KCNB2: variants seen among roughly 807,000 people sequenced by gnomAD.
KCNB2 encodes delayed rectifier potassium channel protein.
In KCNB2, 15 loss-of-function variants were observed where a neutral mutation model predicts 61.5. The ratio of observed to expected loss-of-function variants is 0.24; its 90% CI spans 0.16 to 0.38. KCNB2 has a LOEUF of 0.38. Ranked by LOEUF, KCNB2 falls within the 10% of genes least tolerant of loss-of-function variation. The pLI is 1.00. For missense variants in KCNB2, 828 were observed against 1,125.2 expected (o/e 0.74, Z 3.78); for synonymous variants, 457 against 446.0 (o/e 1.02, Z -0.31).
intron 2 of KCNB2, among the ~76,000 whole-genome samples, chr8:72,857,852 GAA>G (rs1260458209): frequency 1.3e-5 from 2 of 152,152 alleles, no homozygotes; most frequent in African/African-American, 4.8e-5. Context: ...TTGCAATAGA[GAA>G]ACTGAAGCTC....
In KCNB2 at chr8:72,571,601, CTG is replaced by C. The variant is rs147268025; in HGVS notation, c.579+3290_579+3291del. ...CAGGTTTTTATCTGTATGATGGACTCTGTCATTTTTGACTCTTGTCAGTGTAT... is the reference window on the plus strand; with the variant it reads ...CAGGTTTTTATCTGTATGATGGACTCTCATTTTTGACTCTTGTCAGTGTAT... On this transcript the variant is annotated intron_variant, in intron 2 of 2. Coordinates refer to ENST00000523207, the MANE Select transcript of KCNB2 (RefSeq NM_004770.3). 1.1e-3 allele frequency among the ~76,000 whole-genome samples: 170 copies of C among 152,290 alleles called. 8 individuals carry two copies. The East Asian group carries it at 0.031, about 28-fold the overall frequency.
At chr8:72,744,234 C>T (rs1808018763) in intron 2 of KCNB2, among the ~76,000 whole-genome samples, 1 of 152,178 alleles carries the variant, frequency 6.6e-6, no homozygotes, top group South Asian at 2.1e-4. Flanking sequence ...ACAGAAATGA[C>T]TGCAGTTTGC....
At chr8:72,925,200 G>A (rs1243706823) in intron 2 of KCNB2, among the ~76,000 whole-genome samples, 1 of 152,186 alleles carries the variant, frequency 6.6e-6, no homozygotes, top group East Asian at 1.9e-4. Flanking sequence ...GCAATTCTCT[G>A]TTAATGGTGA....
intron 2 of KCNB2, among the ~76,000 whole-genome samples, chr8:72,845,649 A>G (rs891150721): frequency 6.6e-6 from 1 of 152,214 alleles, no homozygotes; most frequent in Admixed American, 6.5e-5. Flanking sequence ...GAGAGGAGGA[A>G]TCTAGAGAGG....
chr8:72,655,416 A>G (rs1290547152), intron 2 of KCNB2, among the ~76,000 whole-genome samples: 2 of 152,116 alleles, frequency 1.3e-5, no homozygotes, highest in Admixed American at 1.3e-4. Flanking sequence ...TACCTGTATA[A>G]CAAACCCTGA....
At chr8:72,812,728 AAAT>A (rs1442190230) in intron 2 of KCNB2, among the ~76,000 whole-genome samples, 1 of 152,110 alleles carries the variant, frequency 6.6e-6, no homozygotes, top group Non-Finnish European at 1.5e-5. Context: ...TGTATTTCTG[AAAT>A]AATCTCTACT....
At chr8:72,548,878 A>G (rs1282962776) in intron 1 of KCNB2, among the ~76,000 whole-genome samples, 1 of 152,180 alleles carries the variant, frequency 6.6e-6, no homozygotes, top group Non-Finnish European at 1.5e-5. Context: ...CATCTCAAAA[A>G]TAGGCTTGGG....
chr8:72,596,192 C>T (rs941789740), intron 2 of KCNB2, among the ~76,000 whole-genome samples: 4 of 152,150 alleles, frequency 2.6e-5, no homozygotes, highest in African/African-American at 7.2e-5. Flanking sequence ...TTAAATGTCA[C>T]CAAGCTTAAA....
chr8:72,779,067 G>T (rs1808712390), intron 2 of KCNB2, among the ~76,000 whole-genome samples: 1 of 152,102 alleles, frequency 6.6e-6, no homozygotes, highest in South Asian at 2.1e-4. Flanking sequence ...GTCACAGCAA[G>T]TACACAAACT....
At chr8:72,765,777 A>G (rs1337962868) in intron 2 of KCNB2, among the ~76,000 whole-genome samples, 1 of 152,204 alleles carries the variant, frequency 6.6e-6, no homozygotes, top group Non-Finnish European at 1.5e-5. Flanking sequence ...TTAAGACACT[A>G]ATTGGTGGGC....
At chr8:72,562,573 A>T (rs1192627580) in intron 1 of KCNB2, among the ~76,000 whole-genome samples, 1 of 152,252 alleles carries the variant, frequency 6.6e-6, no homozygotes, top group African/African-American at 2.4e-5. Context: ...CAAACTGCCA[A>T]GAGAAAATAT....
rs372719507 is a variant in KCNB2, at chr8:72,754,393, T to C, written c.580-181542T>C. 3.4e-3 allele frequency among the ~76,000 whole-genome samples: 512 copies of C among 152,248 alleles called. 3 individuals are homozygous for C. Among genetic ancestry groups the C allele is most frequent in the Middle Eastern group, 0.017 (5 of 294 alleles). On this transcript the variant is annotated intron_variant, in intron 2 of 2. Transcript: ENST00000523207. ...TTTCCTCTCAATTATTTGCCTGAAC[T>C]CCCAGACAGTTCCATTGCAGCAGCC... is the stretch of plus-strand genomic sequence containing the variant.
intron 2 of KCNB2, among the ~76,000 whole-genome samples, chr8:72,690,350 C>T (rs1477476076): frequency 6.6e-6 from 1 of 152,212 alleles, no homozygotes; most frequent in African/African-American, 2.4e-5. Flanking sequence ...TCCCAAGAAG[C>T]AAATTGCTGT....
intron 2 of KCNB2, among the ~76,000 whole-genome samples, chr8:72,788,397 G>T (rs1221650477): frequency 6.6e-6 from 1 of 152,094 alleles, no homozygotes; most frequent in Non-Finnish European, 1.5e-5. Flanking sequence ...TAAAGAAAAG[G>T]AGTCCTGGGG....
intron 2 of KCNB2, among the ~76,000 whole-genome samples, chr8:72,917,570 T>A (rs1252092253): frequency 8.5e-5 from 13 of 152,198 alleles, no homozygotes. Context: ...TGACATAGTA[T>A]TTTGGTTTCA....
At chr8:72,683,036 T>C (rs2128989269) in intron 2 of KCNB2, among the ~76,000 whole-genome samples, 1 of 152,340 alleles carries the variant, frequency 6.6e-6, no homozygotes, top group South Asian at 2.1e-4. Flanking sequence ...ATATGTTAAG[T>C]GGAGAGAGAA....
intron 2 of KCNB2, among the ~76,000 whole-genome samples, chr8:72,875,540 T>TAAAAGATAAAGGAA (rs1563411768): frequency 7.3e-5 from 1 of 13,660 alleles, no homozygotes; most frequent in Non-Finnish European, 1.7e-4. Context: ...TTGCAAATCT[T>TAAAAGATAAAGGAA]TTTTTTTTTT....
At chr8:72,714,230 C>T (rs1221655091) in intron 2 of KCNB2, among the ~76,000 whole-genome samples, 1 of 152,216 alleles carries the variant, frequency 6.6e-6, no homozygotes, top group Non-Finnish European at 1.5e-5. Context: ...ACTTGGAAAA[C>T]ACTCTGCAGG....
chr8:72,743,629 A>G (rs1391456437), intron 2 of KCNB2, among the ~76,000 whole-genome samples: 2 of 152,228 alleles, frequency 1.3e-5, no homozygotes, highest in Admixed American at 1.3e-4. Flanking sequence ...AATTGGATAA[A>G]TTGTAACTCA....
Sources: allele counts gnomAD v4.1 joint callset (sites outside exome capture counted in the v4.1 genomes callset), GRCh38; gene constraint gnomAD v4.1.1; transcripts MANE v1.5; gene names NCBI Gene and HGNC (gene_info 2026-07-23, HGNC 2026-07-21).